STK3: variants seen among roughly 807,000 people sequenced by gnomAD.
STK3 encodes serine/threonine kinase 3.
In STK3, 41 loss-of-function variants were observed where a neutral mutation model predicts 58.0. The ratio of observed to expected loss-of-function variants is 0.71; its 90% CI spans 0.55 to 0.92. The LOEUF (loss-of-function observed/expected upper bound fraction) is 0.92, where lower values mean the gene tolerates loss of function less well. Ranked by LOEUF, STK3 falls within the 40% of genes least tolerant of loss-of-function variation. STK3 has a pLI of 0.00. For synonymous variants in STK3, 170 were observed against 191.0 expected, an observed-to-expected ratio of 0.89 and a Z score of 0.91; for missense variants, 479 against 602.7, an observed-to-expected ratio of 0.79 and a Z score of 2.15.
chr8:98,389,628 T>A (rs1442133157), upstream of STK3, among the ~76,000 whole-genome samples: 1 of 151,868 alleles, frequency 6.6e-6, no homozygotes, highest in East Asian at 1.9e-4. Flanking sequence ...TATGACTGCA[T>A]GCAGACAAAC....
chr8:98,731,276 T>A (rs1286140252), intron 4 of STK3, among the ~76,000 whole-genome samples: 3 of 151,144 alleles, frequency 2.0e-5, no homozygotes, highest in Non-Finnish European at 4.4e-5. Context: ...GGAAAGGGAG[T>A]TCACTTTTTC....
intron 6 of STK3, among the ~76,000 whole-genome samples, chr8:98,635,695 A>G (rs1819563434): frequency 1.3e-5 from 2 of 152,204 alleles, no homozygotes; most frequent in South Asian, 4.1e-4. Flanking sequence ...GTAAAAAAAC[A>G]CACAGAATTA....
intron 6 of STK3, among the ~76,000 whole-genome samples, chr8:98,623,830 G>A (rs143321944): frequency 1.3e-5 from 2 of 152,262 alleles, no homozygotes; most frequent in South Asian, 2.1e-4. Context: ...CACAGAGAAG[G>A]CAGCCATCTG....
At chr8:98,595,916 G>C (rs532514297) in intron 7 of STK3, 116 bp downstream of exon 7, 11 of 1,168,904 alleles carry the variant, frequency 9.4e-6, no homozygotes, top group Admixed American at 2.5e-5. Flanking sequence ...AACAGGAGGG[G>C]AGGGGAGGTT....
chr8:98,914,136 T>G (rs1839253184), intron 1 of STK3, among the ~76,000 whole-genome samples: 1 of 151,336 alleles, frequency 6.6e-6, no homozygotes, highest in South Asian at 2.1e-4. Context: ...CCTAAATCTA[T>G]AAAGATAAAA....
intron 1 of STK3, 128 bp downstream of exon 1, chr8:98,825,387 G>C: frequency 1.2e-6 from 1 of 845,392 alleles, no homozygotes; most frequent in Non-Finnish European, 1.6e-6. Flanking sequence ...CCCGCCTCCC[G>C]ACCTCAGCGC....
chr8:98,585,917 G>T (rs1248956483), intron 7 of STK3, among the ~76,000 whole-genome samples: 1 of 151,836 alleles, frequency 6.6e-6, no homozygotes, highest in Admixed American at 6.6e-5. Flanking sequence ...TGGTGTATAA[G>T]AATGCTTGTG....
intron 8 of STK3, among the ~76,000 whole-genome samples, chr8:98,577,149 G>A (rs959103634): frequency 1.3e-5 from 2 of 152,154 alleles, no homozygotes; most frequent in Admixed American, 6.5e-5. Flanking sequence ...TGCTTCTGTG[G>A]AGGTAACTGA....
intron 4 of STK3, among the ~76,000 whole-genome samples, chr8:98,748,049 A>T (rs1162818565): frequency 6.6e-6 from 1 of 152,188 alleles, no homozygotes; most frequent in African/African-American, 2.4e-5. Flanking sequence ...TCTTGGATCA[A>T]ATACTTCATA....
chr8:98,664,807 G>C lies in STK3; in HGVS notation c.684+41660C>G, dbSNP rs571270898. ...CCCAGCTACTTGGGAGGCTGAGGCA[G>C]GAGAATTGCTTGAACCCGGGAGGCG... On this transcript the variant is annotated intron_variant, in intron 6 of 10. Transcript: ENST00000419617. Among the ~76,000 whole-genome samples the C allele has an allele frequency of 2.6e-5, 4 of 152,108 alleles. No homozygotes were observed. The East Asian group carries it at 7.7e-4, about 29-fold the overall frequency.
intron 1 of STK3, among the ~76,000 whole-genome samples, chr8:98,894,671 A>G (rs1055626576): frequency 3.3e-5 from 5 of 152,238 alleles, no homozygotes; most frequent in Non-Finnish European, 7.3e-5. Context: ...GTTCACAGAT[A>G]TCATCCCTGT....
intron 3 of STK3, among the ~76,000 whole-genome samples, chr8:98,765,496 T>C (rs1830887348): frequency 6.6e-6 from 1 of 152,170 alleles, no homozygotes; most frequent in African/African-American, 2.4e-5. Context: ...GGCCCTGAAT[T>C]GATAAGGGGA....
chr8:98,444,032 T>G (rs975807288), intron 1 of STK3, among the ~76,000 whole-genome samples: 1 of 152,212 alleles, frequency 6.6e-6, no homozygotes, highest in African/African-American at 2.4e-5. Context: ...TTGACAAACG[T>G]TTATTCAGCA....
Position 98,598,422 on chromosome 8 carries a change from A to C in STK3, c.685-2253T>G, listed in dbSNP as rs112602783. 2.7e-4 allele frequency: 264 copies of C among 985,206 alleles called. No homozygotes were observed. In the African/African-American group the frequency reaches 4.3e-3, roughly 16 times the overall value. The allele number at this position is 985,206 out of a possible 1,614,324, so 61.0% of individuals were successfully genotyped here. A position where few individuals can be genotyped will look rare whatever the true frequency, so the allele number is the denominator to read the frequency against. ...CATGAACACCGAGCATACAGTCCAA[A>C]CAAATAAGTCTTAGCGTATGATCTA... On this transcript the variant is annotated intron_variant, in intron 6 of 10. Transcript: ENST00000419617.
At chr8:98,777,825 T>C (rs963504894) in intron 1 of STK3, among the ~76,000 whole-genome samples, 16 of 152,274 alleles carry the variant, frequency 1.1e-4, no homozygotes, top group East Asian at 7.7e-4. Context: ...TGGCTAGCCA[T>C]ATGTAGAAAG....
upstream of STK3, among the ~76,000 whole-genome samples, chr8:98,827,036 T>A (rs1835338891): frequency 7.5e-6 from 1 of 133,714 alleles, no homozygotes; most frequent in African/African-American, 2.9e-5. Flanking sequence ...CTTGTTTTTG[T>A]CAGAAATTGT....
rs1819360462 is a variant in STK3, at chr8:98,454,639, G to A, written c.*1203C>T. 1 of 152,516 alleles carries A rather than the reference G, an allele frequency of 6.6e-6. No individual in the cohort carries two copies. Among genetic ancestry groups the A allele is most frequent in the Non-Finnish European group, 1.5e-5 (1 of 68,032 alleles). 9.4% of individuals were successfully genotyped at this position (152,516 alleles called of 1,614,324 possible). A position where few individuals can be genotyped will look rare whatever the true frequency, so the allele number is the denominator to read the frequency against. Reference sequence around the variant, plus strand: ...AAGATACAGAAACGAAATATGCTGGGTGGCACAGTGAAATTTATTTGTCTT... The same window carrying A: ...AAGATACAGAAACGAAATATGCTGGATGGCACAGTGAAATTTATTTGTCTT... On this transcript the variant is annotated 3_prime_UTR_variant, in exon 11 of 11. Transcript: ENST00000419617.
At chr8:98,711,230 C>A (rs1202983532) in intron 4 of STK3, among the ~76,000 whole-genome samples, 1 of 150,122 alleles carries the variant, frequency 6.7e-6, no homozygotes. Context: ...AAGAGTGCCT[C>A]TCCTCCTCCA....
intron 10 of STK3, among the ~76,000 whole-genome samples, chr8:98,519,383 A>AG (rs1825182147): frequency 6.6e-6 from 1 of 152,084 alleles, no homozygotes; most frequent in Non-Finnish European, 1.5e-5. Context: ...GGCTTACTAA[A>AG]GGGGTGGCCC....
Sources: allele counts gnomAD v4.1 joint callset (sites outside exome capture counted in the v4.1 genomes callset), GRCh38; gene constraint gnomAD v4.1.1; transcripts MANE v1.5; gene names NCBI Gene and HGNC (gene_info 2026-07-23, HGNC 2026-07-21).